CHEK1: variants seen among roughly 807,000 people sequenced by gnomAD.
CHEK1 encodes checkpoint kinase 1, also known as serine/threonine-protein kinase Chk1.
A neutral mutation model predicts 60.2 loss-of-function variants in CHEK1; 32 were observed. The ratio of observed to expected loss-of-function variants is 0.53; its 90% CI spans 0.40 to 0.71. CHEK1 has a LOEUF of 0.71. Ranked by LOEUF, CHEK1 falls within the 30% of genes least tolerant of loss-of-function variation. The pLI, the probability that CHEK1 is intolerant of heterozygous loss-of-function variation, is 0.00. For synonymous variants in CHEK1, 179 were observed against 187.2 expected (o/e 0.96, Z 0.36); for missense variants, 399 against 564.6 (o/e 0.71, Z 2.97).
downstream of CHEK1, chr11:125,677,928 T>C (rs879184441): frequency 6.2e-7 from 1 of 1,613,804 alleles, no homozygotes; most frequent in Non-Finnish European, 8.5e-7. Flanking sequence ...AGGCTGTTCA[T>C]CTGAAGGCTG....
downstream of CHEK1, among the ~76,000 whole-genome samples, chr11:125,662,085 TG>T (rs1179669182): frequency 6.6e-6 from 1 of 152,250 alleles, no homozygotes; most frequent in Non-Finnish European, 1.5e-5. Context: ...TCTCTGTTCC[TG>T]TAATTTTGTC....
At chr11:125,637,671 G>A (rs1941128565) in intron 8 of CHEK1, 127 bp downstream of exon 8, 2 of 504,326 alleles carry the variant, frequency 4.0e-6, no homozygotes, top group Non-Finnish European at 3.4e-6. Flanking sequence ...ATAATGTCCA[G>A]TAGAAAAAAA....
intron 13 of CHEK1, among the ~76,000 whole-genome samples, chr11:125,664,337 A>C (rs1942063271): frequency 1.3e-5 from 2 of 150,260 alleles, no homozygotes; most frequent in East Asian, 2.0e-4. Context: ...GGGTTCAAGC[A>C]ATTCTCCTAC....
At chr11:125,660,621 T>C (rs958121436), downstream of CHEK1, among the ~76,000 whole-genome samples, 1 of 152,134 alleles carries the variant, frequency 6.6e-6, no homozygotes, top group African/African-American at 2.4e-5. Flanking sequence ...ATTAAACCAT[T>C]TATTTATTTA....
chr11:125,660,887 T>C (rs1942000662), downstream of CHEK1, among the ~76,000 whole-genome samples: 1 of 152,156 alleles, frequency 6.6e-6, no homozygotes. Flanking sequence ...GCGATTCTCC[T>C]GCCTCAGCCT....
chr11:125,676,911 C>T (rs1026250622), downstream of CHEK1, among the ~76,000 whole-genome samples: 1 of 151,644 alleles, frequency 6.6e-6, no homozygotes, highest in African/African-American at 2.4e-5. Flanking sequence ...AATGCTCTAA[C>T]ATTGCAAACC....
chr11:125,666,279 ATTGT>A (rs1942097771), intron 13 of CHEK1, among the ~76,000 whole-genome samples: 1 of 151,144 alleles, frequency 6.6e-6, no homozygotes, highest in Non-Finnish European at 1.5e-5. Flanking sequence ...TCAGAAGCAC[ATTGT>A]TTAATTTTCA....
chr11:125,633,693 CCTT>C (rs1008912514), intron 6 of CHEK1, among the ~76,000 whole-genome samples: 4 of 152,132 alleles, frequency 2.6e-5, no homozygotes, highest in Admixed American at 1.3e-4. Flanking sequence ...CTCAAGCAAG[CCTT>C]CTGTCTTGGT....
chr11:125,640,404 G>A (rs944193512), intron 8 of CHEK1, among the ~76,000 whole-genome samples: 22 of 150,270 alleles, frequency 1.5e-4, no homozygotes, highest in Admixed American at 2.6e-4. Context: ...AGCCGGGCGA[G>A]GTGGCGGTCG....
downstream of CHEK1, chr11:125,680,704 C>G: frequency 1.9e-6 from 3 of 1,607,258 alleles, no homozygotes; most frequent in Non-Finnish European, 2.6e-6. Context: ...TTTGTATTTA[C>G]CTGAAGCCTA....
At chr11:125,665,279 T>C (rs1478235117) in intron 13 of CHEK1, among the ~76,000 whole-genome samples, 1 of 151,066 alleles carries the variant, frequency 6.6e-6, no homozygotes, top group Non-Finnish European at 1.5e-5. Flanking sequence ...TGATATGTCA[T>C]GTTTATTGAT....
At chr11:125,640,625 A>G (rs1468634818) in intron 8 of CHEK1, among the ~76,000 whole-genome samples, 1 of 150,986 alleles carries the variant, frequency 6.6e-6, no homozygotes, top group Non-Finnish European at 1.5e-5. Flanking sequence ...ACTGGAGTGC[A>G]GTGGCGTGGT....
At chr11:125,649,588 G>A (rs749561726) in intron 11 of CHEK1, among the ~76,000 whole-genome samples, 9 of 151,992 alleles carry the variant, frequency 5.9e-5, no homozygotes, top group Admixed American at 2.0e-4. Context: ...TTAGTTGGGC[G>A]TTGTGGTGTG....
chr11:125,672,662 G>T, intron 13 of CHEK1: 1 of 1,614,154 alleles, frequency 6.2e-7, no homozygotes, highest in Non-Finnish European at 8.5e-7. Context: ...GGGAGAAGAG[G>T]TTCATAGATG....
At chr11:125,633,826 A>G (rs1024247173) in intron 6 of CHEK1, among the ~76,000 whole-genome samples, 1 of 152,114 alleles carries the variant, frequency 6.6e-6, no homozygotes, top group Non-Finnish European at 1.5e-5. Context: ...TAGACTGCAT[A>G]GCTTATAAAC....
chr11:125,644,584 T>C lies in CHEK1; in HGVS notation c.1174T>C (p.Cys392Arg). The C allele has an allele frequency of 6.2e-7, 1 of 1,614,142 alleles. No homozygotes were observed. The highest frequency in any genetic ancestry group is 8.5e-7 in the Non-Finnish European group (1 of 1,180,018). Residue 392 changes from cysteine (C) to arginine (R), a missense_variant, in exon 11 of 13, where the codon TGC (cysteine) becomes CGC (arginine). This residue lies in a region of CHEK1 where 370 missense variants were observed against 494.8 expected (regional missense o/e 0.75). Coordinates refer to ENST00000438015, the MANE Select transcript of CHEK1 (RefSeq NM_001114122.3). ...TKLDADKSYQCLKETCEKLGY... is the reference protein window; with the variant it reads ...TKLDADKSYQRLKETCEKLGY... ...ATTGGATGCAGACAAATCTTATCAA[T>C]GCCTGAAAGAGACTTGTGAGAAGTT...
At chr11:125,668,668 C>T (rs1942142423) in intron 13 of CHEK1, among the ~76,000 whole-genome samples, 1 of 152,088 alleles carries the variant, frequency 6.6e-6, no homozygotes, top group Admixed American at 6.5e-5. Flanking sequence ...ATTCTCCTGC[C>T]TTAGTCTCTG....
At position 125,627,772 on chromosome 11, in the gene CHEK1, C is replaced by T. The variant is rs541165244; in HGVS notation, c.231C>T (p.Gly77=). The T allele has an allele frequency of 4.0e-5, 64 of 1,612,528 alleles. No homozygotes were observed. Among genetic ancestry groups the T allele is most frequent in the Non-Finnish European group, 5.3e-5 (62 of 1,179,722 alleles). Residue 77 remains glycine, a synonymous_variant, in exon 3 of 13, where the codon GGC becomes GGT. Coordinates refer to ENST00000438015, the MANE Select transcript of CHEK1 (RefSeq NM_001114122.3). The stretch of plus-strand genomic sequence containing the variant: ...AATTCTATGGTCACAGGAGAGAAGG[C>T]AATATCCAATATTTATTTCTGGAGT... ...VVKFYGHRRE[G]NIQYLFLEYC... is the part of the protein sequence containing the mutation.
chr11:125,663,071 T>C (rs1305824320), intron 13 of CHEK1, among the ~76,000 whole-genome samples: 1 of 152,166 alleles, frequency 6.6e-6, no homozygotes, highest in African/African-American at 2.4e-5. Context: ...TTTGTTTACA[T>C]TGAGTTTTTA....
Sources: allele counts gnomAD v4.1 joint callset (sites outside exome capture counted in the v4.1 genomes callset), GRCh38; gene constraint gnomAD v4.1.1; regional missense constraint gnomAD v4.1.1; transcripts MANE v1.5; gene names NCBI Gene and HGNC (gene_info 2026-07-23, HGNC 2026-07-21).